ANKS1B: variants seen among roughly 807,000 people sequenced by gnomAD.
The protein encoded by ANKS1B is ankyrin repeat and sterile alpha motif domain-containing protein 1B.
A neutral mutation model predicts 148.3 loss-of-function variants in ANKS1B; 36 were observed. The ratio of observed to expected loss-of-function variants is 0.24; its 90% CI spans 0.19 to 0.32. ANKS1B has a LOEUF of 0.32. Among genes scored for constraint, ANKS1B ranks in the 10% least tolerant of loss-of-function variants. The probability of loss-of-function intolerance (pLI) is 1.00; values close to 1 mark genes in which losing one functional copy is unlikely to be tolerated. For synonymous variants in ANKS1B, 542 were observed against 560.8 expected (o/e 0.97, Z 0.47); for missense variants, 1,157 against 1,542.6 (o/e 0.75, Z 4.19).
intron 25 of ANKS1B, among the ~76,000 whole-genome samples, chr12:98,758,502 C>T (rs1280842638): frequency 6.6e-6 from 1 of 152,198 alleles, no homozygotes; most frequent in Non-Finnish European, 1.5e-5. Context: ...GTCTCATGCC[C>T]AGTCTGGCTG....
chr12:98,785,212 G>T (rs1478486899), intron 22 of ANKS1B, among the ~76,000 whole-genome samples: 1 of 152,248 alleles, frequency 6.6e-6, no homozygotes, highest in African/African-American at 2.4e-5. Flanking sequence ...GCTCATGCCT[G>T]TATTCCCAGC....
intron 12 of ANKS1B, among the ~76,000 whole-genome samples, chr12:99,302,040 G>T (rs1310108888): frequency 6.6e-6 from 1 of 152,170 alleles, no homozygotes; most frequent in Non-Finnish European, 1.5e-5. Context: ...CAGAAAACAG[G>T]TGTGGGAAAT....
At chr12:99,983,971 A>T in intron 1 of ANKS1B, 133 bp downstream of exon 1, 1 of 753,164 alleles carries the variant, frequency 1.3e-6, no homozygotes, top group East Asian at 2.5e-5. Flanking sequence ...CCATACACGC[A>T]GTCTGTTTTC....
At position 98,839,528 on chromosome 12, in the gene ANKS1B, T is replaced by C. The variant is rs2099394234; in HGVS notation, c.2779-7392A>G. Among the ~76,000 whole-genome samples the C allele has an allele frequency of 2.0e-5, 3 of 152,214 alleles. No individual in the cohort carries two copies. In the South Asian group the frequency reaches 6.2e-4, roughly 32 times the overall value. ...ATCTGGAAATTATAAAGCACAGAAC[T>C]AAGGTACTAACTAAGGTATTATTTC... On this transcript the variant is annotated intron_variant, in intron 17 of 26. Coordinates refer to ENST00000683438, the MANE Select transcript of ANKS1B (RefSeq NM_001352186.2).
At chr12:99,536,939 C>A (rs765961120) in intron 9 of ANKS1B, among the ~76,000 whole-genome samples, 1 of 152,166 alleles carries the variant, frequency 6.6e-6, no homozygotes, top group Admixed American at 6.5e-5. Context: ...TGGTAACCAT[C>A]CTCCAACTCT....
intron 26 of ANKS1B, among the ~76,000 whole-genome samples, chr12:98,749,107 T>C (rs78518042): frequency 1.3e-5 from 2 of 151,028 alleles, no homozygotes; most frequent in Admixed American, 1.3e-4. Flanking sequence ...AAACTTACAT[T>C]TTTTTTTTTG....
intron 24 of ANKS1B, among the ~76,000 whole-genome samples, chr12:98,778,384 G>A (rs1402695227): frequency 6.6e-6 from 1 of 152,208 alleles, no homozygotes; most frequent in Non-Finnish European, 1.5e-5. Flanking sequence ...GCTGAGGCAT[G>A]AGAATCGCTT....
At chr12:98,759,782 C>A (rs997855550) in intron 25 of ANKS1B, among the ~76,000 whole-genome samples, 1 of 152,216 alleles carries the variant, frequency 6.6e-6, no homozygotes, top group East Asian at 1.9e-4. Context: ...GAGTTCAAGA[C>A]CACCCCGGGC....
chr12:99,539,992 A>G (rs572242842), intron 9 of ANKS1B, among the ~76,000 whole-genome samples: 1 of 152,302 alleles, frequency 6.6e-6, no homozygotes, highest in Non-Finnish European at 1.5e-5. Context: ...GCAAATAACA[A>G]CCAAAAGATA....
chr12:99,173,489 A>G (rs967492965), intron 14 of ANKS1B, among the ~76,000 whole-genome samples: 1 of 152,182 alleles, frequency 6.6e-6, no homozygotes, highest in African/African-American at 2.4e-5. Flanking sequence ...GAAACTTCAC[A>G]TGCAGGAAAT....
At chr12:99,117,607 T>C (rs1200893965) in intron 15 of ANKS1B, among the ~76,000 whole-genome samples, 1 of 152,232 alleles carries the variant, frequency 6.6e-6, no homozygotes, top group Non-Finnish European at 1.5e-5. Flanking sequence ...GCCTGTATTT[T>C]ATTGAGGATT....
At chr12:99,236,270 C>T (rs536904545) in intron 14 of ANKS1B, among the ~76,000 whole-genome samples, 55 of 152,284 alleles carry the variant, frequency 3.6e-4, no homozygotes, top group African/African-American at 1.3e-3. Context: ...GACTTCCTCT[C>T]TTCCTATTTG....
intron 12 of ANKS1B, among the ~76,000 whole-genome samples, chr12:99,261,474 C>T (rs1435835250): frequency 1.3e-5 from 2 of 152,064 alleles, no homozygotes; most frequent in Non-Finnish European, 2.9e-5. Context: ...CTTTGCTGGC[C>T]CCAGGGTTTA....
chr12:99,264,246 C>T (rs2076215436), intron 12 of ANKS1B, among the ~76,000 whole-genome samples: 1 of 152,080 alleles, frequency 6.6e-6, no homozygotes, highest in African/African-American at 2.4e-5. Context: ...TTTATTGATG[C>T]TTTACTTCAC....
chr12:99,976,035 T>C (rs1032710122), intron 1 of ANKS1B, among the ~76,000 whole-genome samples: 9 of 152,184 alleles, frequency 5.9e-5, no homozygotes, highest in Admixed American at 6.5e-5. Flanking sequence ...AATGAATCCA[T>C]GTCCTCTGCA....
chr12:99,076,344 A>T (rs2047882318), intron 16 of ANKS1B, among the ~76,000 whole-genome samples: 1 of 152,210 alleles, frequency 6.6e-6, no homozygotes. Context: ...GCTGAATTTT[A>T]GGGAATATCA....
intron 9 of ANKS1B, among the ~76,000 whole-genome samples, chr12:99,616,620 CATCTTATACA>C (rs2097965069): frequency 6.6e-6 from 1 of 152,140 alleles, no homozygotes. Context: ...CCCTTTCTTA[CATCTTATACA>C]AAAATTAACT....
chr12:99,244,919 A>G (rs1279017120), intron 13 of ANKS1B, among the ~76,000 whole-genome samples: 1 of 152,192 alleles, frequency 6.6e-6, no homozygotes, highest in African/African-American at 2.4e-5. Context: ...CTGTGGCACC[A>G]TCTCAGCTCA....
At chr12:99,072,490 G>T (rs1255894182) in intron 16 of ANKS1B, among the ~76,000 whole-genome samples, 1 of 151,974 alleles carries the variant, frequency 6.6e-6, no homozygotes, top group South Asian at 2.1e-4. Flanking sequence ...GGCTAAACTG[G>T]GATTAAATTA....
Sources: allele counts gnomAD v4.1 joint callset (sites outside exome capture counted in the v4.1 genomes callset), GRCh38; gene constraint gnomAD v4.1.1; transcripts MANE v1.5; gene names NCBI Gene and HGNC (gene_info 2026-07-23, HGNC 2026-07-21).